The following CAMTA1 variants were observed in gnomAD, a reference collection of about 807,000 sequenced individuals.
CAMTA1 encodes the protein calmodulin-binding transcription activator 1.
In CAMTA1, 27 loss-of-function variants were observed where a neutral mutation model predicts 170.9. The ratio of observed to expected loss-of-function variants is 0.16; its 90% confidence interval spans 0.12 to 0.22. The LOEUF (loss-of-function observed/expected upper bound fraction) is 0.22, where lower values mean the gene tolerates loss of function less well. CAMTA1 is among the 10% of genes least tolerant of loss of function. The pLI is 1.00. For synonymous variants in CAMTA1, 833 were observed against 891.5 expected, an observed-to-expected ratio of 0.93 and a Z score of 1.17; for missense variants, 1,619 against 2,217.2, an observed-to-expected ratio of 0.73 and a Z score of 5.42.
At chr1:7,070,127 C>T (rs917898873) in intron 3 of CAMTA1, among the ~76,000 whole-genome samples, 1 of 152,178 alleles carries the variant, frequency 6.6e-6, no homozygotes, top group South Asian at 2.1e-4. Context: ...CCGAAGTGTC[C>T]GGAGCCGCCA....
intron 5 of CAMTA1, among the ~76,000 whole-genome samples, chr1:7,396,294 G>A (rs778912118): frequency 6.6e-6 from 1 of 152,178 alleles, no homozygotes; most frequent in Non-Finnish European, 1.5e-5. Flanking sequence ...TCCACCATGA[G>A]TGGAAAAAGC....
intron 3 of CAMTA1, among the ~76,000 whole-genome samples, chr1:6,949,545 C>G (rs1688121163): frequency 6.6e-6 from 1 of 152,196 alleles, no homozygotes; most frequent in Non-Finnish European, 1.5e-5. Context: ...CTGTAAAGTG[C>G]TCTAGAAAGG....
chr1:6,872,291 T>C (rs950261668), intron 3 of CAMTA1, among the ~76,000 whole-genome samples: 5 of 151,924 alleles, frequency 3.3e-5, no homozygotes, highest in African/African-American at 1.2e-4. Context: ...GAGTAACTTA[T>C]CTTTCTTTCA....
chr1:7,637,660 G>C (rs1267453791), intron 6 of CAMTA1, among the ~76,000 whole-genome samples: 1 of 152,208 alleles, frequency 6.6e-6, no homozygotes, highest in Non-Finnish European at 1.5e-5. Flanking sequence ...CAGATGTCCT[G>C]GCAGGACCCG....
chr1:7,656,776 G>A (rs900855540), intron 7 of CAMTA1, among the ~76,000 whole-genome samples: 2 of 152,216 alleles, frequency 1.3e-5, no homozygotes, highest in African/African-American at 4.8e-5. Flanking sequence ...CGCCTCTTGG[G>A]TAAATTGTTC....
intron 5 of CAMTA1, among the ~76,000 whole-genome samples, chr1:7,338,563 G>A (rs181997332): frequency 8.3e-4 from 127 of 152,314 alleles, no homozygotes; most frequent in Middle Eastern, 6.8e-3. Context: ...CCAAGTGTTG[G>A]AGATAGTGAA....
rs1049667350 is a variant in CAMTA1 at position 7,732,829 on chromosome 1, A to T, written c.3066+230A>T. On this transcript the variant is annotated intron_variant, in intron 12 of 22. Transcript: ENST00000303635. The surrounding 1 kb of genome is among the most constrained non-coding windows in gnomAD (Gnocchi z 4.1). ...TCAGTTGTTTACCCCCCTAATCCTT[A>T]AGTTATCTCTATTAATCTCAGAATT... Among the ~76,000 whole-genome samples the T allele has an allele frequency of 2.5e-4, 38 of 152,116 alleles. No homozygotes were observed. Among genetic ancestry groups the T allele is most frequent in the African/African-American group, 8.7e-4 (36 of 41,440 alleles).
intron 3 of CAMTA1, among the ~76,000 whole-genome samples, chr1:6,960,189 AT>A: frequency 6.6e-6 from 1 of 152,218 alleles, no homozygotes; most frequent in Non-Finnish European, 1.5e-5. Flanking sequence ...AATTATGATG[AT>A]TTTTGTTCTT....
chr1:7,107,278 A>ATGTGTGTGTGTGTGTGTGTG (rs148905936), intron 4 of CAMTA1, among the ~76,000 whole-genome samples: 2 of 142,332 alleles, frequency 1.4e-5, no homozygotes, highest in East Asian at 2.2e-4. Context: ...GTGTGTGTGC[A>ATGTGTGTGTGTGTGTGTGTG]TGTGTGTGTG....
At chr1:7,260,197 T>G (rs1667968765) in intron 5 of CAMTA1, among the ~76,000 whole-genome samples, 1 of 152,172 alleles carries the variant, frequency 6.6e-6, no homozygotes, top group South Asian at 2.1e-4. Context: ...ATGGATGTAG[T>G]TGGTCCACTC....
intron 5 of CAMTA1, among the ~76,000 whole-genome samples, chr1:7,454,787 C>G (rs2092912113): frequency 6.6e-6 from 1 of 152,154 alleles, no homozygotes; most frequent in Non-Finnish European, 1.5e-5. Flanking sequence ...GGGACATTAC[C>G]TCTTCCTGCA....
chr1:7,699,676 G>A (rs1014244091), intron 11 of CAMTA1, among the ~76,000 whole-genome samples: 4 of 152,060 alleles, frequency 2.6e-5, no homozygotes, highest in East Asian at 1.9e-4. Context: ...CCTTGCCAAC[G>A]CTTGTTATTG....
chr1:6,817,519 G>A (rs1645970446), intron 1 of CAMTA1, among the ~76,000 whole-genome samples: 2 of 152,202 alleles, frequency 1.3e-5, no homozygotes, highest in Admixed American at 1.3e-4. Context: ...CATGCTCACA[G>A]TCATGGGTAG....
intron 5 of CAMTA1, among the ~76,000 whole-genome samples, chr1:7,263,445 G>A (rs1032877957): frequency 6.6e-6 from 1 of 152,216 alleles, no homozygotes; most frequent in African/African-American, 2.4e-5. Flanking sequence ...CAATTAGTTT[G>A]TACATTGTGT....
chr1:7,549,444 C>A (rs1193158), intron 6 of CAMTA1, among the ~76,000 whole-genome samples: 144,453 of 152,196 alleles, frequency 0.95, 68,608 homozygotes, highest in Middle Eastern at 0.98. Context: ...CTTATTCCCC[C>A]GATTGGTGCC....
intron 6 of CAMTA1, among the ~76,000 whole-genome samples, chr1:7,607,581 T>TGG (rs1557995384): frequency 6.6e-6 from 1 of 150,962 alleles, no homozygotes; most frequent in Non-Finnish European, 1.5e-5. Flanking sequence ...GGAGAATGAG[T>TGG]GGATAGATGT....
rs886756614 is a variant in CAMTA1, at chr1:7,010,727, C to T, written c.235-80577C>T. On this transcript the variant is annotated intron_variant, in intron 3 of 22. Transcript: ENST00000303635. This position sits in a 1 kb window ranked among gnomAD's most constrained non-coding sequence, Gnocchi z 4.4. ...CTCCACACCCACCCTCACTGCCACC[C>T]CCAGCCCCAGCCTTCCTTTGTGCCC... 1.3e-5 allele frequency among the ~76,000 whole-genome samples: 2 copies of T among 152,176 alleles called. No homozygotes were observed. Among genetic ancestry groups the T allele is most frequent in the Non-Finnish European group, 2.9e-5 (2 of 68,034 alleles).
At chr1:7,068,540 G>A (rs373677707) in intron 3 of CAMTA1, among the ~76,000 whole-genome samples, 15 of 152,216 alleles carry the variant, frequency 9.9e-5, no homozygotes, top group East Asian at 3.9e-4. Flanking sequence ...GGGGATGAAC[G>A]TGCCCTGTGT....
chr1:7,495,312 G>GA (rs1557812305), intron 6 of CAMTA1, among the ~76,000 whole-genome samples: 1 of 152,156 alleles, frequency 6.6e-6, no homozygotes. Context: ...ATCATGATTA[G>GA]AGTTCATTTG....
Sources: gnomAD v4.1 joint callset for allele counts (sites outside exome capture counted in the v4.1 genomes callset) on GRCh38, gnomAD v4.1.1 for gene constraint, Gnocchi (gnomAD v3.1) non-coding constraint, MANE v1.5 for transcripts, NCBI Gene and HGNC (gene_info 2026-07-23, HGNC 2026-07-21) for gene names.